Variants in DTNA observed in about 807,000 individuals in gnomAD.
The protein encoded by DTNA is dystrophin-related protein 3.
In DTNA, 43 loss-of-function variants were observed where a neutral mutation model predicts 100.7. The ratio of observed to expected loss-of-function variants is 0.43; its 90% CI spans 0.33 to 0.55. The LOEUF (loss-of-function observed/expected upper bound fraction) is 0.55, where lower values mean the gene tolerates loss of function less well. DTNA is among the 20% of genes least tolerant of loss of function. The probability of loss-of-function intolerance (pLI) is 0.04; values close to 1 mark genes in which losing one functional copy is unlikely to be tolerated. For missense variants in DTNA, 798 were observed against 953.9 expected (o/e 0.84, Z 2.15); for synonymous variants, 349 against 347.9 (o/e 1.00, Z -0.04).
intron 1 of DTNA, among the ~76,000 whole-genome samples, chr18:34,519,799 G>C (rs555749452): frequency 1.7e-4 from 26 of 152,186 alleles, no homozygotes; most frequent in African/African-American, 5.3e-4. Flanking sequence ...TGTAAATCAC[G>C]AAGATAATAA....
At chr18:34,836,928 A>T (rs2096163337) in intron 11 of DTNA, among the ~76,000 whole-genome samples, 2 of 152,180 alleles carry the variant, frequency 1.3e-5, no homozygotes, top group Admixed American at 6.5e-5. Flanking sequence ...TTATGTATAA[A>T]TTTATATTTT....
intron 4 of DTNA, among the ~76,000 whole-genome samples, chr18:34,799,313 A>G (rs1283039838): frequency 6.6e-6 from 1 of 152,210 alleles, no homozygotes; most frequent in African/African-American, 2.4e-5. Context: ...AAAAGACCAC[A>G]GAACTATTTC....
At position 34,848,442 on chromosome 18, in the gene DTNA, T is replaced by A. The variant is rs965800016; in HGVS notation, c.1434+59T>A. ...GCATCTGGGATCCTTGAATTTTATA[T>A]GTCATGTTTATTGTTATTATAGCTG... is the stretch of plus-strand genomic sequence containing the variant. On this transcript the variant is annotated intron_variant, in intron 14 of 22. Coordinates refer to ENST00000444659, the MANE Select transcript of DTNA (RefSeq NM_001386795.1). The A allele has an allele frequency of 1.9e-6, 3 of 1,539,246 alleles. No homozygotes were observed. The African/African-American group carries it at 4.1e-5, about 21-fold the overall frequency.
At chr18:34,851,273 T>C (rs958676148) in intron 14 of DTNA, among the ~76,000 whole-genome samples, 1 of 152,070 alleles carries the variant, frequency 6.6e-6, no homozygotes. Context: ...AACTAATTTT[T>C]GAATTTTTAG....
intron 1 of DTNA, among the ~76,000 whole-genome samples, chr18:34,727,185 T>G (rs1223744489): frequency 6.6e-6 from 1 of 152,232 alleles, no homozygotes; most frequent in African/African-American, 2.4e-5. Context: ...AGCAGGGTCC[T>G]GGGCCTGGCC....
chr18:34,841,087 G>T (rs1027456644), intron 13 of DTNA, among the ~76,000 whole-genome samples: 4 of 121,328 alleles, frequency 3.3e-5, no homozygotes, highest in Non-Finnish European at 8.1e-5. Context: ...AGTCCTTAAA[G>T]TAAGCCCATG....
At chr18:34,808,730 C>A (rs2095422583) in intron 5 of DTNA, among the ~76,000 whole-genome samples, 1 of 152,188 alleles carries the variant, frequency 6.6e-6, no homozygotes, top group South Asian at 2.1e-4. Context: ...TTTCTCCTCA[C>A]CCCATCCCAT....
chr18:34,545,998 A>G (rs575267893), intron 1 of DTNA, among the ~76,000 whole-genome samples: 3 of 152,232 alleles, frequency 2.0e-5, no homozygotes, highest in Admixed American at 1.3e-4. Flanking sequence ...TTAAGGATCT[A>G]TGGGAGGCTC....
At chr18:34,624,345 A>G (rs538443993) in intron 1 of DTNA, among the ~76,000 whole-genome samples, 1 of 152,340 alleles carries the variant, frequency 6.6e-6, no homozygotes, top group African/African-American at 2.4e-5. Flanking sequence ...ACATTGATAT[A>G]TTAACATTTC....
intron 1 of DTNA, among the ~76,000 whole-genome samples, chr18:34,517,257 T>C (rs1388198530): frequency 6.6e-6 from 1 of 152,152 alleles, no homozygotes; most frequent in Non-Finnish European, 1.5e-5. Flanking sequence ...TACTCTTAAA[T>C]GCCTTCTGTG....
chr18:34,497,237 GTCCCTGA>G (rs2039353345), intron 1 of DTNA, among the ~76,000 whole-genome samples: 1 of 152,138 alleles, frequency 6.6e-6, no homozygotes, highest in African/African-American at 2.4e-5. Flanking sequence ...TTATCACACA[GTCCCTGA>G]GATTGTCTCA....
intron 1 of DTNA, among the ~76,000 whole-genome samples, chr18:34,665,604 T>A (rs1244786007): frequency 6.6e-6 from 1 of 152,106 alleles, no homozygotes; most frequent in Non-Finnish European, 1.5e-5. Context: ...CCCCAGTGTG[T>A]GATGTTCCCC....
At chr18:34,547,921 A>G (rs997122475) in intron 1 of DTNA, among the ~76,000 whole-genome samples, 1 of 152,176 alleles carries the variant, frequency 6.6e-6, no homozygotes, top group Non-Finnish European at 1.5e-5. Context: ...CTAAGTGTTA[A>G]CCCAGCCAGA....
intron 1 of DTNA, among the ~76,000 whole-genome samples, chr18:34,634,489 G>A (rs8097785): frequency 0.039 from 5,986 of 151,970 alleles, 330 homozygotes; most frequent in African/African-American, 0.13. Flanking sequence ...TCTCTTTAAC[G>A]TCTGGCTTAA....
At chr18:34,758,104 G>A (rs938299596) in intron 2 of DTNA, among the ~76,000 whole-genome samples, 2 of 152,136 alleles carry the variant, frequency 1.3e-5, no homozygotes, top group South Asian at 2.1e-4. Flanking sequence ...ATATCACTGC[G>A]AATGTGTTAA....
intron 1 of DTNA, among the ~76,000 whole-genome samples, chr18:34,729,923 T>A (rs2087680037): frequency 6.6e-6 from 1 of 151,998 alleles, no homozygotes. Context: ...ACACACTAGA[T>A]AAGTCTAGAA....
At chr18:34,691,610 TCATAATACTGGTA>T in intron 1 of DTNA, among the ~76,000 whole-genome samples, 1 of 152,248 alleles carries the variant, frequency 6.6e-6, no homozygotes, top group East Asian at 1.9e-4. Flanking sequence ...CCTTAGCATG[TCATAATACTGGTA>T]CAATGGACCT....
chr18:34,620,571 A>G (rs965762512), intron 1 of DTNA, among the ~76,000 whole-genome samples: 3 of 152,194 alleles, frequency 2.0e-5, no homozygotes, highest in Non-Finnish European at 4.4e-5. Context: ...TCTGCAGGCT[A>G]TACAGGAAGC....
chr18:34,794,877 A>T (rs183475605), intron 4 of DTNA, among the ~76,000 whole-genome samples: 60 of 152,314 alleles, frequency 3.9e-4, no homozygotes, highest in Non-Finnish European at 6.8e-4. Context: ...TCGTCCACAT[A>T]TCTCATTTTA....
Sources: allele counts gnomAD v4.1 joint callset (sites outside exome capture counted in the v4.1 genomes callset), GRCh38; gene constraint gnomAD v4.1.1; transcripts MANE v1.5; gene names NCBI Gene and HGNC (gene_info 2026-07-23, HGNC 2026-07-21).